DLG5: variants seen among roughly 807,000 people sequenced by gnomAD.
DLG5 encodes disks large homolog 5.
Under a neutral mutation model 189.8 loss-of-function variants are expected in DLG5, and 48 were observed. The observed-to-expected ratio is 0.25, with a 90% confidence interval of 0.20 to 0.32. The LOEUF (loss-of-function observed/expected upper bound fraction) is 0.32. Among genes scored for constraint, DLG5 ranks in the 10% least tolerant of loss-of-function variants. The pLI is 1.00. For missense variants in DLG5, 2,160 were observed against 2,544.7 expected (o/e 0.85, Z 3.25); for synonymous variants, 1,016 against 1,054.1 (o/e 0.96, Z 0.70).
intron 15 of DLG5, chr10:77,820,377 G>T (rs952205793): frequency 2.7e-5 from 5 of 186,774 alleles, no homozygotes; most frequent in Admixed American, 1.1e-4. Context: ...CCAAACAGTG[G>T]AACGCTTGAG....
chr10:77,888,607 C>T (rs544270569), intron 1 of DLG5, among the ~76,000 whole-genome samples: 10 of 152,268 alleles, frequency 6.6e-5, no homozygotes, highest in South Asian at 2.1e-4. Context: ...CATTATAAGT[C>T]CATTCACTGG....
In DLG5 at chr10:77,811,216, G is replaced by T. The variant is rs200237878; in HGVS notation, c.4341C>A (p.Ala1447=). 6.2e-7 allele frequency: 1 copy of T among 1,613,106 alleles called. No individual in the cohort carries two copies. The highest frequency in any genetic ancestry group is 8.5e-7 in the Non-Finnish European group (1 of 1,179,888). ...TGCCCTGGAGAGTGGAGTGGGTACC[G>T]GCAGGGTCCAGGTGTGAGCTGGAGG... The part of the protein sequence containing the change: ...HSRSSSHLDP[A]GTHSTLQGSG... The change falls in exon 23 of 32, where the codon GCC becomes GCA. Residue 1447 remains alanine (A), a synonymous_variant. Transcript: ENST00000372391.
At position 77,913,257 on chromosome 10, in the gene DLG5, G is replaced by A. The variant is rs543823035; in HGVS notation, c.304+12960C>T. The stretch of plus-strand genomic sequence containing the variant: ...TGGATAGCACCAATCATTTTTAAAA[G>A]TTCTTCCTGAAACAACCGGCCTGGG... On this transcript the variant is annotated intron_variant, in intron 1 of 31. Coordinates refer to ENST00000372391, the MANE Select transcript of DLG5 (RefSeq NM_004747.4). Among the ~76,000 whole-genome samples the A allele has an allele frequency of 2.0e-5, 3 of 152,140 alleles. No homozygotes were observed. In the South Asian group the frequency reaches 6.3e-4, roughly 32 times the overall value.
In DLG5 at chr10:77,806,738, C is replaced by CCCCCCCCCCCCG; in HGVS notation, c.4967+19_4967+20insCGGGGGGGGGGG. The CCCCCCCCCCCCG allele has an allele frequency of 1.3e-6, 2 of 1,574,708 alleles. No homozygotes were observed. The highest frequency in any genetic ancestry group is 1.7e-6 in the Non-Finnish European group (2 of 1,147,896). On this transcript the variant is annotated intron_variant, in intron 26 of 31. Coordinates refer to ENST00000372391, the MANE Select transcript of DLG5 (RefSeq NM_004747.4). ...CGGCGACCCCTGCCCCACCCCACCC[C>CCCCCCCCCCCCG]AGGCCCGGAGAACACTTACACATAT...
chr10:77,795,581 C>T (rs970416803), intron 29 of DLG5, among the ~76,000 whole-genome samples: 3 of 152,124 alleles, frequency 2.0e-5, no homozygotes, highest in Non-Finnish European at 4.4e-5. Flanking sequence ...GTTTGCCCCA[C>T]CAGCACTCCC....
intron 1 of DLG5, among the ~76,000 whole-genome samples, chr10:77,916,985 G>T (rs1464610296): frequency 1.3e-5 from 2 of 149,574 alleles, no homozygotes; most frequent in African/African-American, 5.0e-5. Flanking sequence ...GATGAACCTT[G>T]AGGACTTTAT....
Position 77,830,767 on chromosome 10 carries a change from C to T in DLG5, c.1855G>A (p.Glu619Lys). 6.2e-7 allele frequency: 1 copy of T among 1,614,254 alleles called. No individual in the cohort carries two copies. The change falls in exon 10 of 32, where the codon GAA becomes AAA. Residue 619 changes from glutamate to lysine, a missense_variant. This residue lies in a region of DLG5 where 664 missense variants were observed against 838.5 expected (regional missense o/e 0.79). Coordinates refer to ENST00000372391, the MANE Select transcript of DLG5 (RefSeq NM_004747.4). The part of the protein sequence containing the change: ...IDTDSMEWET[E>K]VVEFERETED... Reference sequence around the variant, plus strand: ...GTCTCCCTCTCGAACTCTACAACTTCCGTTTCCCACTCCATGGAATCCGTG... The same window carrying T: ...GTCTCCCTCTCGAACTCTACAACTTTCGTTTCCCACTCCATGGAATCCGTG...
Position 77,809,747 on chromosome 10 carries a change from A to G in DLG5, c.4464-17T>C, listed in dbSNP as rs1362769837. ...CCCGCAATCCTTTCAGGAAAAAAACAAAGTTCCTCAACTGTGCACAAAGAG... is the reference window on the plus strand; with the variant it reads ...CCCGCAATCCTTTCAGGAAAAAAACGAAGTTCCTCAACTGTGCACAAAGAG... On this transcript the variant is annotated splice_polypyrimidine_tract_variant and intron_variant, in intron 23 of 31. Transcript: ENST00000372391. The G allele has an allele frequency of 6.2e-7, 1 of 1,607,830 alleles. No homozygotes were observed. Among genetic ancestry groups the G allele is most frequent in the Non-Finnish European group, 8.5e-7 (1 of 1,177,010 alleles).
intron 26 of DLG5, 32 bp downstream of exon 26, chr10:77,806,726 C>A: frequency 6.7e-7 from 1 of 1,501,016 alleles, no homozygotes; most frequent in Non-Finnish European, 9.3e-7. Flanking sequence ...CGACCCCTGC[C>A]CCACCCCACC....
At chr10:77,825,176 C>T (rs1842559172) in intron 13 of DLG5, among the ~76,000 whole-genome samples, 1 of 152,100 alleles carries the variant, frequency 6.6e-6, no homozygotes, top group Admixed American at 6.6e-5. Flanking sequence ...CTATATGATT[C>T]CATGTCTGTA....
At chr10:77,843,751 G>C (rs1160996113) in intron 5 of DLG5, 45 bp from the exon 6 acceptor site, 2 of 1,609,308 alleles carry the variant, frequency 1.2e-6, no homozygotes, top group Non-Finnish European at 1.7e-6. Flanking sequence ...GTGGGAGGTG[G>C]CGGAGGAGAC....
At position 77,897,041 on chromosome 10, in the gene DLG5, C is replaced by T. The variant is rs186331814; in HGVS notation, c.305-27844G>A. Among the ~76,000 whole-genome samples the T allele has an allele frequency of 4.2e-3, 636 of 151,452 alleles. 2 individuals carry two copies. Among genetic ancestry groups the T allele is most frequent in the Non-Finnish European group, 7.1e-3 (484 of 67,894 alleles). On this transcript the variant is annotated intron_variant, in intron 1 of 31. Transcript: ENST00000372391. ...TCTATAAAATATTTGTTGCTTACTG[C>T]AGGAAAAAAAAATAGGCATCAAAAA...
chr10:77,859,609 G>A (rs542121458), intron 2 of DLG5, among the ~76,000 whole-genome samples: 10 of 152,322 alleles, frequency 6.6e-5, no homozygotes, highest in African/African-American at 2.2e-4. Context: ...GGAGCAACAG[G>A]CCATATCGTG....
At chr10:77,829,306 A>C in intron 12 of DLG5, 49 bp downstream of exon 12, 1 of 1,611,092 alleles carries the variant, frequency 6.2e-7, no homozygotes, top group Non-Finnish European at 8.5e-7. Flanking sequence ...GTCCACAAAA[A>C]AGGGCCCCAG....
At chr10:77,811,357 C>T in intron 22 of DLG5, 123 bp from the exon 23 acceptor site, 1 of 1,243,636 alleles carries the variant, frequency 8.0e-7, no homozygotes, top group South Asian at 1.6e-5. Context: ...GCACCCTGTG[C>T]CCTGAGCAGA....
rs1845423196 is a variant in DLG5, at chr10:77,885,920, T to G, written c.305-16723A>C. Reference sequence around the variant, plus strand: ...GAGCAGGATGAGAGGAGGAAGGGGATGAAGGAAGTGCCCTCCAGCGAAGGC... The same window carrying G: ...GAGCAGGATGAGAGGAGGAAGGGGAGGAAGGAAGTGCCCTCCAGCGAAGGC... On this transcript the variant is annotated intron_variant, in intron 1 of 31. Coordinates refer to ENST00000372391, the MANE Select transcript of DLG5 (RefSeq NM_004747.4). Among the ~76,000 whole-genome samples the G allele has an allele frequency of 2.0e-5, 3 of 151,970 alleles. No homozygotes were observed. The South Asian group carries it at 6.2e-4, about 31-fold the overall frequency.
chr10:77,872,887 G>A (rs1237450187), intron 1 of DLG5, among the ~76,000 whole-genome samples: 1 of 152,008 alleles, frequency 6.6e-6, no homozygotes, highest in Non-Finnish European at 1.5e-5. Context: ...TTCTCCTGAA[G>A]GCACCTCCAC....
At chr10:77,819,720 C>T (rs751322223) in intron 16 of DLG5, 175 bp downstream of exon 16, 95 of 1,177,744 alleles carry the variant, frequency 8.1e-5, no homozygotes, top group Non-Finnish European at 1.0e-4. Context: ...CAAGCTAAGA[C>T]ATGTCATGGC....
At chr10:77,866,301 A>G (rs945004938) in intron 2 of DLG5, among the ~76,000 whole-genome samples, 7 of 152,208 alleles carry the variant, frequency 4.6e-5, no homozygotes, top group Non-Finnish European at 1.0e-4. Flanking sequence ...CTGGAGGGCT[A>G]TTAAGCTGTA....
Sources: allele counts gnomAD v4.1 joint callset (sites outside exome capture counted in the v4.1 genomes callset), GRCh38; gene constraint gnomAD v4.1.1; regional missense constraint gnomAD v4.1.1; transcripts MANE v1.5; gene names NCBI Gene and HGNC (gene_info 2026-07-23, HGNC 2026-07-21).